The following SCRN2 variants were observed in gnomAD, a reference collection of about 807,000 sequenced individuals.
The protein encoded by SCRN2 is secernin 2, also known as secernin-2.
In SCRN2, 30 loss-of-function variants were observed where a neutral mutation model predicts 40.1. The ratio of observed to expected loss-of-function variants is 0.75; its 90% confidence interval spans 0.56 to 1.01. The LOEUF (loss-of-function observed/expected upper bound fraction) is 1.01. Among genes scored for constraint, SCRN2 ranks in the 50% least tolerant of loss-of-function variants. SCRN2 has a pLI of 0.00. For synonymous variants in SCRN2, 240 were observed against 233.5 expected, an observed-to-expected ratio of 1.03 and a Z score of -0.25; for missense variants, 526 against 564.9, an observed-to-expected ratio of 0.93 and a Z score of 0.70.
At position 47,838,349 on chromosome 17, in the gene SCRN2, C is replaced by T. The variant is rs144133774; in HGVS notation, c.1040G>A (p.Arg347Gln). ...GAQDPVRTLP[R>Q]FQTQVDRRHT... The stretch of plus-strand genomic sequence containing the variant: ...CCGACGATCTACCTGAGTCTGGAAT[C>T]GGGGCAGGGTCCGAACAGGGTCTTG... The change falls in exon 7 of 8, where the codon CGA (arginine) becomes CAA (glutamine). Residue 347 changes from arginine (R) to glutamine (Q), a missense_variant. By Grantham distance (43) the Arg-to-Gln change is conservative. Coordinates refer to ENST00000290216, the MANE Select transcript of SCRN2 (RefSeq NM_138355.4). 107 of 1,610,962 alleles carry T rather than the reference C, an allele frequency of 6.6e-5. No homozygotes were observed. Among genetic ancestry groups the T allele is most frequent in the South Asian group, 7.7e-5 (7 of 90,810 alleles).
rs750539970 is a variant in SCRN2, at chr17:47,838,001, T to G, written c.1121A>C (p.Asp374Ala). The change falls in exon 8 of 8, where the codon GAT becomes GCT. Residue 374 changes from aspartate to alanine, a missense_variant and splice_region_variant. Transcript: ENST00000290216. Reference sequence around the variant, plus strand: ...TTTCTGCTGGAGCTGCTGCCCCCGATCCTGCCCCAAGGGAAAGCTGAGATG... The same window carrying G: ...TTTCTGCTGGAGCTGCTGCCCCCGAGCCTGCCCCAAGGGAAAGCTGAGATG... ...AALGLMERDQ[D>A]RGQQLQQKQQ... 2 of 1,605,640 alleles carry G rather than the reference T, an allele frequency of 1.2e-6. No homozygotes were observed. Among genetic ancestry groups the G allele is most frequent in the South Asian group, 2.2e-5 (2 of 90,924 alleles).
Position 47,840,782 on chromosome 17 carries a change from G to T in SCRN2, c.62C>A (p.Ala21Asp). 2 of 1,583,642 alleles carry T rather than the reference G, an allele frequency of 1.3e-6. No individual in the cohort carries two copies. The highest frequency in any genetic ancestry group is 1.7e-6 in the Non-Finnish European group (2 of 1,162,776). The change falls in exon 2 of 8, where the codon GCC becomes GAC. Residue 21 changes from alanine to aspartate, a missense_variant. Coordinates refer to ENST00000290216, the MANE Select transcript of SCRN2 (RefSeq NM_138355.4). ...SCDCFVSVPP[A>D]SAIPAVIFAK... ...AAAGATCACAGCCGGGATGGCTGAG[G>T]CCGGGGGCACGGAGACAAAGCAGTC...
rs978928904 is a variant in SCRN2, at chr17:47,838,604, T to C, written c.865A>G (p.Met289Val). The C allele has an allele frequency of 6.2e-7, 1 of 1,614,066 alleles. No individual in the cohort carries two copies. Among genetic ancestry groups the C allele is most frequent in the African/African-American group, 1.3e-5 (1 of 75,042 alleles). ...DSGGFRTTAS[M>V]VSVLPQDPTQ... is the part of the protein sequence containing the mutation. Reference sequence around the variant, plus strand: ...GGATCCTGGGGCAGGACAGACACCATGCTGGCCGTGGTGCGAAAGCCTCCC... The same window carrying C: ...GGATCCTGGGGCAGGACAGACACCACGCTGGCCGTGGTGCGAAAGCCTCCC... The change falls in exon 6 of 8, where the codon ATG becomes GTG. Residue 289 changes from methionine (M) to valine (V), a missense_variant. Met to Val is a conservative substitution (Grantham distance 21). Coordinates refer to ENST00000290216, the MANE Select transcript of SCRN2 (RefSeq NM_138355.4).
Position 47,840,816 on chromosome 17 carries a change from A to G in SCRN2, c.28T>C (p.Cys10Arg), listed in dbSNP as rs780977396. 3.2e-6 allele frequency: 5 copies of G among 1,551,730 alleles called. No homozygotes were observed. The highest frequency in any genetic ancestry group is 1.4e-5 in the African/African-American group (1 of 72,842). The part of the protein sequence containing the change: MASSSPDSP[C>R]SCDCFVSVPP... The stretch of plus-strand genomic sequence containing the variant: ...ACGGAGACAAAGCAGTCGCAGGAAC[A>G]TGGGGAGTCAGGGCTCGACGACGCC... The change falls in exon 2 of 8, where the codon TGT (cysteine) becomes CGT (arginine). Residue 10 changes from cysteine to arginine, a missense_variant. Transcript: ENST00000290216.
Position 47,840,794 on chromosome 17 carries a change from G to C in SCRN2, c.50C>G (p.Ser17Cys). Residue 17 changes from serine (S) to cysteine (C), a missense_variant, in exon 2 of 8, where the codon TCC (serine) becomes TGC (cysteine). By Grantham distance (112) the Ser-to-Cys change is moderately radical (BLOSUM62 -1). Coordinates refer to ENST00000290216, the MANE Select transcript of SCRN2 (RefSeq NM_138355.4). ...DSPCSCDCFVSVPPASAIPAV... is the reference protein window; with the variant it reads ...DSPCSCDCFVCVPPASAIPAV... ...CGGGATGGCTGAGGCCGGGGGCACG[G>C]AGACAAAGCAGTCGCAGGAACATGG... 6.4e-7 allele frequency: 1 copy of C among 1,573,760 alleles called. No individual in the cohort carries two copies. The highest frequency in any genetic ancestry group is 1.7e-4 in the Middle Eastern group (1 of 5,872).
intron 3 of SCRN2, 143 bp downstream of exon 3, chr17:47,840,048 T>C (rs1659257156): frequency 1.3e-6 from 1 of 768,808 alleles, no homozygotes; most frequent in Non-Finnish European, 2.0e-6. Context: ...TGCAGCCTTC[T>C]TCACGAAGGC....
chr17:47,838,959 A>G lies in SCRN2; in HGVS notation c.604T>C (p.Ser202Pro). The change falls in exon 5 of 8, where the codon TCG (serine) becomes CCG (proline). Residue 202 changes from serine to proline, a missense_variant. Physicochemically the swap from Ser to Pro is moderately conservative, Grantham distance 74 (BLOSUM62 -1). Coordinates refer to ENST00000290216, the MANE Select transcript of SCRN2 (RefSeq NM_138355.4). ...SNQLSIGTDI[S>P]AQHPELRTHA... is the part of the protein sequence containing the mutation. ...GTCCGCAGCTCCGGGTGTTGGGCCG[A>G]GATGTCCGTGCCAATGCTCAGCTGG... 3 of 1,614,040 alleles carry G rather than the reference A, an allele frequency of 1.9e-6. No homozygotes were observed. Among genetic ancestry groups the G allele is most frequent in the Non-Finnish European group, 2.5e-6 (3 of 1,180,042 alleles).
rs753038876 is a variant in SCRN2 at position 47,838,910 on chromosome 17, C to T, written c.653G>A (p.Trp218Ter). The change falls in exon 5 of 8, where the codon TGG (tryptophan) becomes TAG (stop). Residue 218 changes from tryptophan (W) to a stop codon, truncating the protein, a stop_gained. Transcript: ENST00000290216. LOFTEE classifies it high-confidence loss of function. ...AAAGTCAAAGGCACCCTGCCCATCC[C>T]ACCAGCCCTTGGCCTGGGCATGAGT... ...LRTHAQAKGWWDGQGAFDFAQ... is the reference protein window; with the variant it reads ...LRTHAQAKGW 1.2e-6 allele frequency: 2 copies of T among 1,614,012 alleles called. No individual in the cohort carries two copies. The highest frequency in any genetic ancestry group is 1.7e-5 in the Admixed American group (1 of 60,036).
chr17:47,839,762 C>T lies in SCRN2; in HGVS notation c.357-119G>A, dbSNP rs887317616. The T allele has an allele frequency of 4.7e-5, 47 of 1,004,132 alleles. No individual in the cohort carries two copies. In the Admixed American group the frequency reaches 8.6e-4, roughly 18 times the overall value. 62.2% of individuals were successfully genotyped at this position (1,004,132 alleles called of 1,614,324 possible). On this transcript the variant is annotated intron_variant, in intron 3 of 7. Coordinates refer to ENST00000290216, the MANE Select transcript of SCRN2 (RefSeq NM_138355.4). ...TTGGTGATAGGCCCAAGTCACACAG[C>T]AAATCTGCTGGCACTGATCGTATCA... is the stretch of plus-strand genomic sequence containing the variant.
At chr17:47,839,298 TAACC>T in intron 4 of SCRN2, 142 bp downstream of exon 4, 1 of 877,382 alleles carries the variant, frequency 1.1e-6, no homozygotes, top group Admixed American at 2.5e-5. Context: ...ACGGAAGACT[TAACC>T]AAGTGAAGGG....
chr17:47,837,733 G>T lies in SCRN2; in HGVS notation c.*111C>A. On this transcript the variant is annotated 3_prime_UTR_variant, in exon 8 of 8. Transcript: ENST00000290216. ...TATTAAGGCAAAGGCCAAGCTGGCC[G>T]CTCAGAACATGGCCAAGGAGCGTGA... 2.3e-6 allele frequency: 3 copies of T among 1,296,334 alleles called. No homozygotes were observed. Among genetic ancestry groups the T allele is most frequent in the Non-Finnish European group, 3.1e-6 (3 of 977,674 alleles). 80.3% of individuals were successfully genotyped at this position (1,296,334 alleles called of 1,614,324 possible). A position where few individuals can be genotyped will look rare whatever the true frequency, so the allele number is the denominator to read the frequency against.
chr17:47,840,257 T>C lies in SCRN2; in HGVS notation c.290A>G (p.Asn97Ser). 6.2e-7 allele frequency: 1 copy of C among 1,614,172 alleles called. No individual in the cohort carries two copies. Among genetic ancestry groups the C allele is most frequent in the Non-Finnish European group, 8.5e-7 (1 of 1,180,036 alleles). The change falls in exon 3 of 8, where the codon AAC (asparagine) becomes AGC (serine). Residue 97 changes from asparagine to serine, a missense_variant. Transcript: ENST00000290216. ...GANEHGVCIG[N>S]EAVWTKEPVG... ...TGGCTCCTTCGTCCACACAGCCTCG[T>C]TGCCAATGCAGACACCATGCTCGTT...
In SCRN2 at chr17:47,838,966, C is replaced by T. The variant is rs575575464; in HGVS notation, c.597G>A (p.Thr199=). ...RNISNQLSIG[T]DISAQHPELR... ...GCTCCGGGTGTTGGGCCGAGATGTC[C>T]GTGCCAATGCTCAGCTGGTTGGAGA... is the stretch of plus-strand genomic sequence containing the variant. Residue 199 remains threonine, a synonymous_variant, in exon 5 of 8, where the codon ACG becomes ACA. Coordinates refer to ENST00000290216, the MANE Select transcript of SCRN2 (RefSeq NM_138355.4). The T allele has an allele frequency of 5.8e-5, 94 of 1,614,042 alleles. No individual in the cohort carries two copies. The highest frequency in any genetic ancestry group is 3.3e-4 in the Middle Eastern group (2 of 6,062).
Position 47,838,997 on chromosome 17 carries a change from C to T in SCRN2, c.566G>A (p.Arg189His), listed in dbSNP as rs751802544. ...WAAQRIQEGA[R>H]NISNQLSIGT... ...AATGCTCAGCTGGTTGGAGATGTTGCGGGCCCCCTCTGTGGAGGAGATCGG... is the reference window on the plus strand; with the variant it reads ...AATGCTCAGCTGGTTGGAGATGTTGTGGGCCCCCTCTGTGGAGGAGATCGG... Residue 189 changes from arginine (R) to histidine (H), a missense_variant, in exon 5 of 8, where the codon CGC becomes CAC. Coordinates refer to ENST00000290216, the MANE Select transcript of SCRN2 (RefSeq NM_138355.4). 2.1e-5 allele frequency: 34 copies of T among 1,613,686 alleles called. No homozygotes were observed. Among genetic ancestry groups the T allele is most frequent in the African/African-American group, 4.0e-5 (3 of 74,934 alleles).
intron 4 of SCRN2, 71 bp from the exon 5 acceptor site, chr17:47,839,077 GC>G: frequency 1.3e-6 from 2 of 1,525,150 alleles, no homozygotes; most frequent in Non-Finnish European, 1.8e-6. Flanking sequence ...TGGGCGAGGT[GC>G]TGAGAACATG....
rs781551626 is a variant in SCRN2, at chr17:47,838,611, C to T, written c.858G>A (p.Thr286=). Reference sequence around the variant, plus strand: ...GGGGCAGGACAGACACCATGCTGGCCGTGGTGCGAAAGCCTCCCGAGTCCA... The same window carrying T: ...GGGGCAGGACAGACACCATGCTGGCTGTGGTGCGAAAGCCTCCCGAGTCCA... ...ICMDSGGFRT[T]ASMVSVLPQD... Residue 286 remains threonine, a synonymous_variant, in exon 6 of 8, where the codon ACG becomes ACA. Transcript: ENST00000290216. The T allele has an allele frequency of 3.1e-6, 5 of 1,614,048 alleles. No homozygotes were observed. The East Asian group carries it at 6.7e-5, about 22-fold the overall frequency.
chr17:47,837,692 G>T lies in SCRN2; in HGVS notation c.*152C>A. The T allele has an allele frequency of 3.1e-6, 3 of 974,024 alleles. No individual in the cohort carries two copies. Among genetic ancestry groups the T allele is most frequent in the Non-Finnish European group, 4.3e-6 (3 of 698,204 alleles). The allele number at this position is 974,024 out of a possible 1,614,324, so 60.3% of individuals were successfully genotyped here. A position where few individuals can be genotyped will look rare whatever the true frequency, so the allele number is the denominator to read the frequency against. ...GTCCTGGGATAAAGTTCACTGAAGAGAAAATAAAGCACATTTATTAAGGCA... is the reference window on the plus strand; with the variant it reads ...GTCCTGGGATAAAGTTCACTGAAGATAAAATAAAGCACATTTATTAAGGCA... On this transcript the variant is annotated 3_prime_UTR_variant, in exon 8 of 8. Transcript: ENST00000290216.
At position 47,838,421 on chromosome 17, in the gene SCRN2, A is replaced by C; in HGVS notation, c.968T>G (p.Met323Arg). ...CACCTGGGGGGCCTGGGCCACCCCC[A>C]TCCCGAAGATGAAAGGTTTGAACAC... ...RSVFKPFIFG[M>R]GVAQAPQVLS... Residue 323 changes from methionine to arginine, a missense_variant, in exon 7 of 8, where the codon ATG becomes AGG. Physicochemically the swap from Met to Arg is moderately conservative, Grantham distance 91. Coordinates refer to ENST00000290216, the MANE Select transcript of SCRN2 (RefSeq NM_138355.4). 1.9e-6 allele frequency: 3 copies of C among 1,611,748 alleles called. No homozygotes were observed. Among genetic ancestry groups the C allele is most frequent in the Admixed American group, 3.4e-5 (2 of 59,424 alleles).
At chr17:47,838,135 C>A in intron 7 of SCRN2, 133 bp from the exon 8 acceptor site, 1 of 1,521,028 alleles carries the variant, frequency 6.6e-7, no homozygotes, top group Non-Finnish European at 8.8e-7. Flanking sequence ...CAGTTGCTGG[C>A]TTTGAAGGGA....
Sources: allele counts gnomAD v4.1 joint callset, GRCh38; gene constraint gnomAD v4.1.1; transcripts MANE v1.5; gene names NCBI Gene and HGNC (gene_info 2026-07-23, HGNC 2026-07-21).